Variants in LRCH3 observed in about 807,000 individuals in gnomAD.
LRCH3 encodes DISP complex protein LRCH3.
In LRCH3, 68 loss-of-function variants were observed where a neutral mutation model predicts 104.5. The ratio of observed to expected loss-of-function variants is 0.65; its 90% CI spans 0.54 to 0.80. The LOEUF (loss-of-function observed/expected upper bound fraction) is 0.80, where lower values mean the gene tolerates loss of function less well. Ranked by LOEUF, LRCH3 falls within the 30% of genes least tolerant of loss-of-function variation. LRCH3 has a pLI of 0.00. For synonymous variants in LRCH3, 344 were observed against 361.3 expected (o/e 0.95, Z 0.54); for missense variants, 951 against 953.9 (o/e 1.00, Z 0.04).
chr3:197,801,104 A>AAAAAAAG (rs60914773), intron 1 of LRCH3, among the ~76,000 whole-genome samples: 6 of 147,826 alleles, frequency 4.1e-5, no homozygotes, highest in East Asian at 2.0e-4. Context: ...CAAAAAAAAA[A>AAAAAAAG]ACAAGAAAAT....
intron 12 of LRCH3, chr3:197,850,713 C>G: frequency 7.1e-7 from 1 of 1,409,284 alleles, no homozygotes; most frequent in Non-Finnish European, 1.0e-6. Context: ...GGGCCACCGA[C>G]CTTGTGTCCA....
chr3:197,819,331 C>A lies in LRCH3; in HGVS notation c.535-994C>A, dbSNP rs112207753. On this transcript the variant is annotated intron_variant, in intron 3 of 20. Coordinates refer to ENST00000425562, the MANE Select transcript of LRCH3 (RefSeq NM_001365715.1). The stretch of plus-strand genomic sequence containing the variant: ...CTCAGACTCGATTTTTCTATGCTTT[C>A]AACTTTTTTTTTTTTTCTAGCTAGG... Among the ~76,000 whole-genome samples the A allele has an allele frequency of 1.0e-2, 599 of 60,090 alleles. 5 individuals are homozygous for A. The highest frequency in any genetic ancestry group is 0.023 in the African/African-American group (576 of 24,796). 39.4% of individuals were successfully genotyped at this position (60,090 alleles called of 152,430 possible). A position where few individuals can be genotyped will look rare whatever the true frequency, so the allele number is the denominator to read the frequency against.
chr3:197,791,356 T>C lies in LRCH3; in HGVS notation c.78T>C (p.Pro26=), dbSNP rs922276143. 4 of 1,605,338 alleles carry C rather than the reference T, an allele frequency of 2.5e-6. No individual in the cohort carries two copies. Among genetic ancestry groups the C allele is most frequent in the Admixed American group, 3.4e-5 (2 of 58,674 alleles). Residue 26 remains proline (P), a synonymous_variant, in exon 1 of 21, where the codon CCT becomes CCC. Transcript: ENST00000425562. ...CGGTAGCGTCGGGAGGTAACCTCCC[T>C]GGTGTTCACTGCGGCCCAAGCTCCG... ...SGTVASGGNL[P]GVHCGPSSGA...
intron 13 of LRCH3, among the ~76,000 whole-genome samples, chr3:197,853,217 T>C (rs1161584015): frequency 6.6e-6 from 1 of 151,440 alleles, no homozygotes; most frequent in African/African-American, 2.4e-5. Flanking sequence ...TGAGACAGAG[T>C]CTCACTTTGT....
In LRCH3 at chr3:197,869,594, T is replaced by C. The variant is rs1281873863; in HGVS notation, c.1874-566T>C. On this transcript the variant is annotated intron_variant, in intron 17 of 20. Transcript: ENST00000425562. ...GAGGTAGAAAGCGATGCACTGTACC[T>C]GCAGGAAGTAGAAAGCGATACACTG... is the stretch of plus-strand genomic sequence containing the variant. Among the ~76,000 whole-genome samples the C allele has an allele frequency of 1.6e-3, 220 of 135,876 alleles. 4 individuals carry two copies. The highest frequency in any genetic ancestry group is 8.6e-4 in the Non-Finnish European group (55 of 63,786). 89.1% of individuals were successfully genotyped at this position (135,876 alleles called of 152,430 possible).
chr3:197,833,120 A>G (rs1190482925), intron 8 of LRCH3, among the ~76,000 whole-genome samples: 1 of 152,104 alleles, frequency 6.6e-6, no homozygotes, highest in Non-Finnish European at 1.5e-5. Flanking sequence ...TTTCTCTCAT[A>G]TGAGGTATCT....
chr3:197,859,981 C>T (rs1740692766), intron 15 of LRCH3, among the ~76,000 whole-genome samples: 1 of 152,244 alleles, frequency 6.6e-6, no homozygotes, highest in African/African-American at 2.4e-5. Context: ...TTAGAGCTTG[C>T]TCATTTAGGG....
chr3:197,852,747 A>T, intron 13 of LRCH3, 127 bp downstream of exon 13: 1 of 931,022 alleles, frequency 1.1e-6, no homozygotes, highest in South Asian at 1.5e-5. Context: ...ACCTCACAAT[A>T]TTCTCCTTAT....
intron 1 of LRCH3, among the ~76,000 whole-genome samples, chr3:197,812,924 C>G (rs1733352918): frequency 6.6e-6 from 1 of 152,126 alleles, no homozygotes; most frequent in African/African-American, 2.4e-5. Context: ...AAATATACTT[C>G]CGTGTTTGAT....
chr3:197,833,875 T>C (rs1195406126), intron 8 of LRCH3, among the ~76,000 whole-genome samples: 1 of 152,228 alleles, frequency 6.6e-6, no homozygotes, highest in Non-Finnish European at 1.5e-5. Context: ...TATAAACCAT[T>C]AATTTAGTCA....
intron 12 of LRCH3, among the ~76,000 whole-genome samples, chr3:197,849,523 T>C (rs941310099): frequency 6.6e-6 from 1 of 152,166 alleles, no homozygotes; most frequent in Non-Finnish European, 1.5e-5. Flanking sequence ...CTATACATAC[T>C]ATATCTCCTA....
chr3:197,791,601 C>T (rs751805288), intron 1 of LRCH3, 61 bp downstream of exon 1: 122 of 1,467,094 alleles, frequency 8.3e-5, no homozygotes, highest in Non-Finnish European at 1.0e-4. Flanking sequence ...CCGCCCCGGC[C>T]GGGGGAGGCG....
chr3:197,865,997 G>T lies in LRCH3; in HGVS notation c.1766-115G>T. 5 of 746,002 alleles carry T rather than the reference G, an allele frequency of 6.7e-6. No homozygotes were observed. In the Admixed American group the frequency reaches 7.6e-5, roughly 11 times the overall value. The allele number at this position is 746,002 out of a possible 1,614,324, so 46.2% of individuals were successfully genotyped here. ...GTACCAGACTTTTCATCATTAAATA[G>T]AATTATTTTATATCATTGCCATGTT... On this transcript the variant is annotated intron_variant, in intron 16 of 20. Coordinates refer to ENST00000425562, the MANE Select transcript of LRCH3 (RefSeq NM_001365715.1).
At chr3:197,811,704 C>T (rs923077984) in intron 1 of LRCH3, among the ~76,000 whole-genome samples, 2 of 152,174 alleles carry the variant, frequency 1.3e-5, no homozygotes, top group African/African-American at 4.8e-5. Flanking sequence ...GTCCTAATGT[C>T]ATAATTACAT....
chr3:197,857,480 A>G (rs1740419070), intron 14 of LRCH3, among the ~76,000 whole-genome samples: 1 of 145,134 alleles, frequency 6.9e-6, no homozygotes, highest in Non-Finnish European at 1.5e-5. Flanking sequence ...CTGCCCCTCA[A>G]GCTCCTGCTA....
intron 19 of LRCH3, among the ~76,000 whole-genome samples, chr3:197,874,644 C>T (rs550916763): frequency 6.6e-6 from 1 of 152,308 alleles, no homozygotes; most frequent in African/African-American, 2.4e-5. Flanking sequence ...TCTGTGAAAC[C>T]AGTCCCTGGT....
chr3:197,838,982 G>A (rs928574579), intron 9 of LRCH3, among the ~76,000 whole-genome samples: 4 of 152,130 alleles, frequency 2.6e-5, no homozygotes, highest in Non-Finnish European at 5.9e-5. Context: ...GTCCTAAATG[G>A]AAGTCTGTTA....
rs1018329068 is a variant in LRCH3, at chr3:197,886,300, GCAC to G, written c.*2638_*2640del. 6.6e-6 allele frequency: 1 copy of G among 152,144 alleles called. No individual in the cohort carries two copies. Among genetic ancestry groups the G allele is most frequent in the African/African-American group, 2.4e-5 (1 of 41,412 alleles). 9.4% of individuals were successfully genotyped at this position (152,144 alleles called of 1,614,324 possible). ...GTTGAGGCTACAGTGAGCCATGGCT[GCAC>G]CACTGCACTCCAGCCTGGGCAACAG... is the stretch of plus-strand genomic sequence containing the variant. On this transcript the variant is annotated 3_prime_UTR_variant, in exon 21 of 21. Coordinates refer to ENST00000425562, the MANE Select transcript of LRCH3 (RefSeq NM_001365715.1).
chr3:197,797,969 T>C (rs1400666326), intron 1 of LRCH3, among the ~76,000 whole-genome samples: 4 of 151,136 alleles, frequency 2.6e-5, no homozygotes, highest in African/African-American at 9.7e-5. Context: ...AGAAGCAATC[T>C]GAAGCTGGGT....
Sources: allele counts gnomAD v4.1 joint callset (sites outside exome capture counted in the v4.1 genomes callset), GRCh38; gene constraint gnomAD v4.1.1; transcripts MANE v1.5; gene names NCBI Gene and HGNC (gene_info 2026-07-23, HGNC 2026-07-21).